Variants in POMZP3 observed in about 807,000 individuals in gnomAD.
POMZP3 encodes POM121 and ZP3 fusion protein.
A neutral mutation model predicts 19.8 loss-of-function variants in POMZP3; 10 were observed. The ratio of observed to expected loss-of-function variants is 0.51; its 90% CI spans 0.31 to 0.86. The LOEUF (loss-of-function observed/expected upper bound fraction) is 0.86. Among genes scored for constraint, POMZP3 ranks in the 40% least tolerant of loss-of-function variants. The pLI, the probability that POMZP3 is intolerant of heterozygous loss-of-function variation, is 0.04. For missense variants in POMZP3, 152 were observed against 228.1 expected, an observed-to-expected ratio of 0.67 and a Z score of 2.15; for synonymous variants, 57 against 85.8, an observed-to-expected ratio of 0.66 and a Z score of 1.85.
At chr7:76,620,325 C>G (rs1334299912) in intron 3 of POMZP3, among the ~76,000 whole-genome samples, 1 of 50,368 alleles carries the variant, frequency 2.0e-5, no homozygotes, top group African/African-American at 1.1e-4. Flanking sequence ...GAGACTGTCT[C>G]AAATAAAAAA....
At chr7:76,611,903 A>G (rs369154782) in intron 4 of POMZP3, 90 bp from the exon 5 acceptor site, 4 of 1,536,590 alleles carry the variant, frequency 2.6e-6, no homozygotes, top group African/African-American at 1.4e-5. Flanking sequence ...TCAACCCTTT[A>G]AAGAGTGAGA....
chr7:76,621,894 A>T (rs1754220), intron 3 of POMZP3, among the ~76,000 whole-genome samples: 1 of 105,052 alleles, frequency 9.5e-6, no homozygotes, highest in African/African-American at 3.5e-5. Context: ...GAGCCGAGAT[A>T]GCGCTACTGC....
At chr7:76,612,012 A>G (rs1293550822) in intron 4 of POMZP3, among the ~76,000 whole-genome samples, 199 bp from the exon 5 acceptor site, 2 of 150,696 alleles carry the variant, frequency 1.3e-5, no homozygotes, top group African/African-American at 5.0e-5. Context: ...CAACCTGGCC[A>G]ACATGGTGAA....
In POMZP3 at chr7:76,611,498, G is replaced by A. The variant is rs565652166; in HGVS notation, c.531C>T (p.Val177=). 1.9e-4 allele frequency: 308 copies of A among 1,604,732 alleles called. 11 individuals are homozygous for A. In the South Asian group the frequency reaches 3.1e-3, roughly 16 times the overall value. Reference sequence around the variant, plus strand: ...AAGCAGACGTGGACCACTGGCTCACGACACGAGGCTGCCTCCTGGAATGGC... The same window carrying A: ...AAGCAGACGTGGACCACTGGCTCACAACACGAGGCTGCCTCCTGGAATGGC... The part of the protein sequence containing the change: ...TPSHSRRQPR[V]VSQWSTSASL Residue 177 remains valine (V), a synonymous_variant, in exon 6 of 7, where the codon GTC becomes GTT. Coordinates refer to ENST00000310842, the MANE Select transcript of POMZP3 (RefSeq NM_012230.5).
intron 1 of POMZP3, chr7:76,626,435 T>C: frequency 1.7e-6 from 1 of 603,308 alleles, no homozygotes; most frequent in Non-Finnish European, 2.9e-6. Flanking sequence ...TGCAACAATT[T>C]GAGAGGGAAA....
At chr7:76,623,185 GTTTTTT>G (rs71521144) in intron 3 of POMZP3, among the ~76,000 whole-genome samples, 4 of 147,414 alleles carry the variant, frequency 2.7e-5, no homozygotes, top group African/African-American at 5.0e-5. Context: ...ATTGATTGTG[GTTTTTT>G]TTTTTTATTT....
intron 4 of POMZP3, among the ~76,000 whole-genome samples, chr7:76,614,985 TTA>T: frequency 8.6e-6 from 1 of 115,694 alleles, no homozygotes; most frequent in East Asian, 2.4e-4. Context: ...GGTGCTGGGA[TTA>T]CAGATGTGAA....
chr7:76,611,165 T>C lies in POMZP3; in HGVS notation c.*11+289A>G, dbSNP rs547731612. 7.0e-3 allele frequency among the ~76,000 whole-genome samples: 1,054 copies of C among 150,036 alleles called. 20 individuals are homozygous for C. The highest frequency in any genetic ancestry group is 0.025 in the African/African-American group (1,016 of 40,508). ...TTGGGATTACAGGCCTGAGCCACTA[T>C]GCCAAGCCAGATTATCTTAACAACT... On this transcript the variant is annotated intron_variant, in intron 6 of 6. Transcript: ENST00000310842.
intron 3 of POMZP3, among the ~76,000 whole-genome samples, chr7:76,623,892 A>G (rs921891148): frequency 1.5e-4 from 23 of 150,838 alleles, no homozygotes; most frequent in Non-Finnish European, 3.0e-4. Flanking sequence ...TTTGTTAAAT[A>G]AGAGCAATTT....
intron 3 of POMZP3, among the ~76,000 whole-genome samples, chr7:76,624,464 T>TG (rs1815745059): frequency 6.6e-6 from 1 of 151,130 alleles, no homozygotes; most frequent in African/African-American, 2.5e-5. Flanking sequence ...TTTTTTTTTT[T>TG]TCAGACAGTC....
In POMZP3 at chr7:76,611,562, A is replaced by T. The variant is rs756058778; in HGVS notation, c.467T>A (p.Ile156Asn). ...SWFPVEGLAD[I>N]CQCCNKGDCG... Reference sequence around the variant, plus strand: ...GTCACCTTTGTTACAGCATTGACAGATGTCAGCCAGGCCTTCCACTGGGAA... The same window carrying T: ...GTCACCTTTGTTACAGCATTGACAGTTGTCAGCCAGGCCTTCCACTGGGAA... The change falls in exon 6 of 7, where the codon ATC becomes AAC. Residue 156 changes from isoleucine (I) to asparagine (N), a missense_variant. By Grantham distance (149) the Ile-to-Asn change is moderately radical. Transcript: ENST00000310842. 3 of 1,603,134 alleles carry T rather than the reference A, an allele frequency of 1.9e-6. No homozygotes were observed. Among genetic ancestry groups the T allele is most frequent in the South Asian group, 2.2e-5 (2 of 90,790 alleles).
At chr7:76,625,191 A>G (rs906509335) in intron 3 of POMZP3, among the ~76,000 whole-genome samples, 1 of 148,644 alleles carries the variant, frequency 6.7e-6, no homozygotes, top group Non-Finnish European at 1.5e-5. Flanking sequence ...ACTGAACACC[A>G]CAAAATTCCG....
chr7:76,623,264 G>T (rs62476691), intron 3 of POMZP3, among the ~76,000 whole-genome samples: 26,950 of 151,134 alleles, frequency 0.18, 2,609 homozygotes, highest in South Asian at 0.27. Flanking sequence ...ACAGTCTTAT[G>T]ACTCTTTAAT....
chr7:76,611,796 G>A lies in POMZP3; in HGVS notation c.363C>T (p.His121=), dbSNP rs1249034509. ...CCTGCTCAGCTAGGGTGACCTTCAGGTGGCAGGTGATGTATATCTGCAAGG... is the reference window on the plus strand; with the variant it reads ...CCTGCTCAGCTAGGGTGACCTTCAGATGGCAGGTGATGTATATCTGCAAGG... ...DSRNMIYITC[H]LKVTLAEQDP... is the part of the protein sequence containing the mutation. Residue 121 remains histidine (H), a synonymous_variant, in exon 5 of 7, where the codon CAC becomes CAT. Transcript: ENST00000310842. 3 of 1,580,500 alleles carry A rather than the reference G, an allele frequency of 1.9e-6. No individual in the cohort carries two copies. Among genetic ancestry groups the A allele is most frequent in the South Asian group, 2.2e-5 (2 of 89,170 alleles).
At chr7:76,612,911 G>T (rs1638136) in intron 4 of POMZP3, among the ~76,000 whole-genome samples, 1 of 70,498 alleles carries the variant, frequency 1.4e-5, no homozygotes. Context: ...GACTTAAGAG[G>T]TTTTTTTTTT....
chr7:76,620,046 GT>G (rs1245177328), intron 3 of POMZP3, among the ~76,000 whole-genome samples: 1 of 76,724 alleles, frequency 1.3e-5, no homozygotes, highest in African/African-American at 7.6e-5. Context: ...CGGGTGCGGT[GT>G]CTCATGCCTG....
At chr7:76,621,788 A>G (rs1287384708) in intron 3 of POMZP3, among the ~76,000 whole-genome samples, 2 of 151,618 alleles carry the variant, frequency 1.3e-5, no homozygotes, top group Non-Finnish European at 2.9e-5. Flanking sequence ...AAAATACAAA[A>G]AAGTAGCCGG....
Position 76,617,167 on chromosome 7 carries a change from C to A in POMZP3, c.345+1016G>T, listed in dbSNP as rs1235371647. 3.3e-5 allele frequency among the ~76,000 whole-genome samples: 3 copies of A among 89,626 alleles called. 1 individual carries two copies. The highest frequency in any genetic ancestry group is 7.0e-5 in the Non-Finnish European group (3 of 42,594). The allele number at this position is 89,626 out of a possible 152,430, so 58.8% of individuals were successfully genotyped here. On this transcript the variant is annotated intron_variant, in intron 4 of 6. Transcript: ENST00000310842. ...GTATTTTTAGTAGAGGGGGTTTCAC[C>A]GTGTTAACCAGGATGGTCTCAATCT...
intron 3 of POMZP3, among the ~76,000 whole-genome samples, chr7:76,623,451 C>T (rs1458927337): frequency 6.8e-6 from 1 of 147,324 alleles, no homozygotes; most frequent in East Asian, 2.0e-4. Context: ...TAGTTTCATT[C>T]TCATTGTAAA....
Sources: gnomAD v4.1 joint callset for allele counts (sites outside exome capture counted in the v4.1 genomes callset) on GRCh38, gnomAD v4.1.1 for gene constraint, MANE v1.5 for transcripts, NCBI Gene and HGNC (gene_info 2026-07-23, HGNC 2026-07-21) for gene names.